PPP6R1: variants seen among roughly 807,000 people sequenced by gnomAD.
The protein encoded by PPP6R1 is protein phosphatase 6 regulatory subunit 1, also known as serine/threonine-protein phosphatase 6 regulatory subunit 1.
In PPP6R1, 39 loss-of-function variants were observed where a neutral mutation model predicts 104.6. The ratio of observed to expected loss-of-function variants is 0.37; its 90% CI spans 0.29 to 0.49. The LOEUF is 0.49. Ranked by LOEUF, PPP6R1 falls within the 20% of genes least tolerant of loss-of-function variation. The probability of loss-of-function intolerance (pLI) is 0.98; values close to 1 mark genes in which losing one functional copy is unlikely to be tolerated. For synonymous variants in PPP6R1, 549 were observed against 479.0 expected, an observed-to-expected ratio of 1.15 and a Z score of -1.91; for missense variants, 1,181 against 1,155.8, an observed-to-expected ratio of 1.02 and a Z score of -0.32.
At position 55,251,172 on chromosome 19, in the gene PPP6R1, G is replaced by A. The variant is rs916221503; in HGVS notation, c.-6-4063C>T. On this transcript the variant is annotated intron_variant, in intron 1 of 23. Coordinates refer to ENST00000412770, the MANE Select transcript of PPP6R1 (RefSeq NM_014931.4). ...GTCTCCCTGTCTCCCTGAGCTGTGC[G>A]TTCTGACCTGCCGCCTGGAAGCATC... 3.3e-5 allele frequency among the ~76,000 whole-genome samples: 5 copies of A among 152,258 alleles called. No homozygotes were observed. The South Asian group carries it at 6.2e-4, about 19-fold the overall frequency.
Position 55,230,447 on chromosome 19 carries a change from C to T in PPP6R1, c.*81G>A. The T allele has an allele frequency of 6.3e-7, 1 of 1,584,042 alleles. No homozygotes were observed. The highest frequency in any genetic ancestry group is 8.6e-7 in the Non-Finnish European group (1 of 1,158,710). Reference sequence around the variant, plus strand: ...TCAGGGTGATGAGGGCAATGGGGGCCATCGTGGGACCCGCCCTGCCCCCAC... The same window carrying T: ...TCAGGGTGATGAGGGCAATGGGGGCTATCGTGGGACCCGCCCTGCCCCCAC... On this transcript the variant is annotated 3_prime_UTR_variant, in exon 24 of 24. Coordinates refer to ENST00000412770, the MANE Select transcript of PPP6R1 (RefSeq NM_014931.4).
In PPP6R1 at chr19:55,242,126, G is replaced by A. The variant is rs781704242; in HGVS notation, c.845+40C>T. 1.9e-6 allele frequency: 3 copies of A among 1,570,704 alleles called. No individual in the cohort carries two copies. The South Asian group carries it at 3.3e-5, about 17-fold the overall frequency. ...CTCTGAGGGGCCGGAGAGCCCCTGG[G>A]GATGGGCAGCATGCATGGTCTGTGG... On this transcript the variant is annotated intron_variant, in intron 7 of 23. Coordinates refer to ENST00000412770, the MANE Select transcript of PPP6R1 (RefSeq NM_014931.4).
Position 55,230,266 on chromosome 19 carries a change from T to C in PPP6R1, c.*262A>G, listed in dbSNP as rs1316558159. ...CTCTCTCTATATAATATATAATATA[T>C]GTTTCTCTCTCTCCATTCTCTCTAT... On this transcript the variant is annotated 3_prime_UTR_variant, in exon 24 of 24. Coordinates refer to ENST00000412770, the MANE Select transcript of PPP6R1 (RefSeq NM_014931.4). The C allele has an allele frequency of 5.3e-6, 3 of 567,212 alleles. No homozygotes were observed. Among genetic ancestry groups the C allele is most frequent in the South Asian group, 2.2e-5 (1 of 46,162 alleles). The allele number at this position is 567,212 out of a possible 1,614,324, so 35.1% of individuals were successfully genotyped here. A position where few individuals can be genotyped will look rare whatever the true frequency, so the allele number is the denominator to read the frequency against.
chr19:55,231,871 A>T lies in PPP6R1; in HGVS notation c.2237T>A (p.Leu746His). ...HTGPPAPQGP[L>H]SVPQGLPTQS... The stretch of plus-strand genomic sequence containing the variant: ...AGTGGGGAGGCCCTGGGGCACACTG[A>T]GGGGCCCCTGTGGGGCTGGAGGCCC... Residue 746 changes from leucine to histidine, a missense_variant, in exon 19 of 24, where the codon CTC (leucine) becomes CAC (histidine). Around this residue, in one of 2 missense-constraint regions of PPP6R1, gnomAD observed 1,042 missense variants for 955.6 expected, o/e 1.09. Coordinates refer to ENST00000412770, the MANE Select transcript of PPP6R1 (RefSeq NM_014931.4). The T allele has an allele frequency of 6.7e-7, 1 of 1,501,592 alleles. No homozygotes were observed. Among genetic ancestry groups the T allele is most frequent in the South Asian group, 1.4e-5 (1 of 73,312 alleles). The allele number at this position is 1,501,592 out of a possible 1,614,324, so 93.0% of individuals were successfully genotyped here.
Position 55,231,639 on chromosome 19 carries a change from G to A in PPP6R1, c.2336C>T (p.Pro779Leu), listed in dbSNP as rs2087347928. 1 of 1,611,208 alleles carries A rather than the reference G, an allele frequency of 6.2e-7. No homozygotes were observed. The highest frequency in any genetic ancestry group is 2.2e-5 in the East Asian group (1 of 44,852). The change falls in exon 20 of 24, where the codon CCT (proline) becomes CTT (leucine). Residue 779 changes from proline (P) to leucine (L), a missense_variant. Physicochemically the swap from Pro to Leu is moderately conservative, Grantham distance 98. Coordinates refer to ENST00000412770, the MANE Select transcript of PPP6R1 (RefSeq NM_014931.4). Reference sequence around the variant, plus strand: ...TTTGCTGCCTTCTGTGGCTTCCTGAGGTGCTGAGGGGGGTGTGGGGTCCTG... The same window carrying A: ...TTTGCTGCCTTCTGTGGCTTCCTGAAGTGCTGAGGGGGGTGTGGGGTCCTG... ...RSQDPTPPSA[P>L]QEATEGSKVT...
At chr19:55,255,153 C>A (rs571186327) in intron 1 of PPP6R1, among the ~76,000 whole-genome samples, 1 of 152,324 alleles carries the variant, frequency 6.6e-6, no homozygotes, top group South Asian at 2.1e-4. Context: ...GAAGCACACC[C>A]TCCCAAGGGA....
At chr19:55,233,711 G>C (rs2087369989) in intron 17 of PPP6R1, among the ~76,000 whole-genome samples, 1 of 152,042 alleles carries the variant, frequency 6.6e-6, no homozygotes, top group South Asian at 2.1e-4. Flanking sequence ...AAGAAAACAG[G>C]AATAAACTTA....
Position 55,230,505 on chromosome 19 carries a change from G to A in PPP6R1, c.*23C>T, listed in dbSNP as rs754414413. 1.1e-5 allele frequency: 18 copies of A among 1,612,836 alleles called. No individual in the cohort carries two copies. The highest frequency in any genetic ancestry group is 1.5e-5 in the Non-Finnish European group (18 of 1,179,764). Reference sequence around the variant, plus strand: ...GATCCACGGGAGGACGGAAGATTTGGCCGCCGCTGCCGCACCAGGCAGCTA... The same window carrying A: ...GATCCACGGGAGGACGGAAGATTTGACCGCCGCTGCCGCACCAGGCAGCTA... On this transcript the variant is annotated 3_prime_UTR_variant, in exon 24 of 24. Coordinates refer to ENST00000412770, the MANE Select transcript of PPP6R1 (RefSeq NM_014931.4).
intron 11 of PPP6R1, 50 bp downstream of exon 11, chr19:55,240,186 C>T (rs1447693783): frequency 1.9e-6 from 3 of 1,564,400 alleles, no homozygotes; most frequent in East Asian, 2.4e-5. Flanking sequence ...CCCGGCCCCC[C>T]ATCCAGGCAG....
intron 20 of PPP6R1, 34 bp from the exon 21 acceptor site, chr19:55,231,525 C>T (rs1393208003): frequency 6.3e-7 from 1 of 1,597,212 alleles, no homozygotes; most frequent in Admixed American, 1.7e-5. Context: ...CTGCAGCTCC[C>T]AGCAAGCTCG....
In PPP6R1 at chr19:55,242,216, G is replaced by T; in HGVS notation, c.795C>A (p.Ile265=). The T allele has an allele frequency of 6.2e-7, 1 of 1,613,864 alleles. No individual in the cohort carries two copies. Among genetic ancestry groups the T allele is most frequent in the Non-Finnish European group, 8.5e-7 (1 of 1,179,884 alleles). Residue 265 remains isoleucine, a synonymous_variant, in exon 7 of 24, where the codon ATC becomes ATA. Transcript: ENST00000412770. ...MFEGEQSQSV[I]VSGIQVLLTL... ...TCAGCAGCACCTGGATCCCACTGAC[G>T]ATGACAGACTGGCTCTGCTCCCCCT...
rs756731913 is a variant in PPP6R1 at position 55,236,667 on chromosome 19, C to T, written c.1964G>A (p.Arg655His). 1.4e-5 allele frequency: 22 copies of T among 1,585,410 alleles called. No individual in the cohort carries two copies. The highest frequency in any genetic ancestry group is 4.5e-5 in the East Asian group (2 of 44,622). Residue 655 changes from arginine (R) to histidine (H), a missense_variant, in exon 17 of 24, where the codon CGT becomes CAT. Coordinates refer to ENST00000412770, the MANE Select transcript of PPP6R1 (RefSeq NM_014931.4). ...WQGSQLARGA[R>H]LGQPPGVRSG... is the part of the protein sequence containing the mutation. ...CCGGACACCAGGTGGCTGGCCCAGACGGGCCCCCCTGGCCAGCTGGCTGCC... is the reference window on the plus strand; with the variant it reads ...CCGGACACCAGGTGGCTGGCCCAGATGGGCCCCCCTGGCCAGCTGGCTGCC...
At chr19:55,239,562 C>T (rs2087430945) in intron 14 of PPP6R1, 32 bp downstream of exon 14, 1 of 1,609,164 alleles carries the variant, frequency 6.2e-7, no homozygotes, top group South Asian at 1.1e-5. Flanking sequence ...TCCAGCATAG[C>T]CCAGCACAGC....
downstream of PPP6R1, chr19:55,229,091 G>A (rs1386431452): frequency 3.1e-5 from 8 of 254,340 alleles, no homozygotes; most frequent in Non-Finnish European, 6.4e-5. Flanking sequence ...CATGGGAAGC[G>A]GGAGAGGGGC....
chr19:55,231,881 G>A lies in PPP6R1; in HGVS notation c.2227C>T (p.Gln743Ter). The stretch of plus-strand genomic sequence containing the variant: ...CCCTGGGGCACACTGAGGGGCCCCT[G>A]TGGGGCTGGAGGCCCAGTGTGCAGC... ...EELHTGPPAP[Q>*]GPLSVPQGLP... The change falls in exon 19 of 24, where the codon CAG becomes TAG. Residue 743 changes from glutamine to a stop codon, truncating the protein, a stop_gained. Coordinates refer to ENST00000412770, the MANE Select transcript of PPP6R1 (RefSeq NM_014931.4). LOFTEE classifies it high-confidence loss of function. The A allele has an allele frequency of 6.6e-7, 1 of 1,510,674 alleles. No individual in the cohort carries two copies. The highest frequency in any genetic ancestry group is 8.9e-7 in the Non-Finnish European group (1 of 1,129,312). 93.6% of individuals were successfully genotyped at this position (1,510,674 alleles called of 1,614,324 possible). A position where few individuals can be genotyped will look rare whatever the true frequency, so the allele number is the denominator to read the frequency against.
chr19:55,240,130 G>A lies in PPP6R1; in HGVS notation c.1362-16C>T. 2 of 1,566,756 alleles carry A rather than the reference G, an allele frequency of 1.3e-6. No homozygotes were observed. The highest frequency in any genetic ancestry group is 1.7e-6 in the Non-Finnish European group (2 of 1,156,402). ...TCCCGCACACCTGGCAAGAGTGAAG[G>A]CCGCGGCTGCAAGCCAGGACTGGAC... On this transcript the variant is annotated splice_polypyrimidine_tract_variant and intron_variant, in intron 11 of 23. Coordinates refer to ENST00000412770, the MANE Select transcript of PPP6R1 (RefSeq NM_014931.4).
intron 5 of PPP6R1, among the ~76,000 whole-genome samples, chr19:55,243,361 C>T (rs569474365): frequency 3.5e-5 from 5 of 142,616 alleles, no homozygotes; most frequent in African/African-American, 1.3e-4. Flanking sequence ...TGCAGTGAGC[C>T]GAGATCGTGC....
chr19:55,228,794 G>T, downstream of PPP6R1: 1 of 1,586,970 alleles, frequency 6.3e-7, no homozygotes, highest in Non-Finnish European at 8.6e-7. Context: ...GGCTTCAGGG[G>T]GTGGAGGGGA....
intron 1 of PPP6R1, among the ~76,000 whole-genome samples, chr19:55,252,677 G>A (rs896107551): frequency 5.9e-5 from 9 of 152,086 alleles, no homozygotes; most frequent in Non-Finnish European, 1.3e-4. Context: ...TGGGATTACA[G>A]GCATGAATCA....
Sources: gnomAD v4.1 joint callset for allele counts (sites outside exome capture counted in the v4.1 genomes callset) on GRCh38, gnomAD v4.1.1 for gene constraint, gnomAD v4.1.1 regional missense constraint, MANE v1.5 for transcripts, NCBI Gene and HGNC (gene_info 2026-07-23, HGNC 2026-07-21) for gene names.